VAPA: variants seen among roughly 807,000 people sequenced by gnomAD.
VAPA encodes VAMP associated protein A.
Under a neutral mutation model 25.6 loss-of-function variants are expected in VAPA, and 6 were observed. That is an observed-to-expected ratio of 0.23 (90% CI 0.13 to 0.46). The LOEUF (loss-of-function observed/expected upper bound fraction) is 0.46, where lower values mean the gene tolerates loss of function less well. Among genes scored for constraint, VAPA ranks in the 20% least tolerant of loss-of-function variants. The pLI is 0.99. For missense variants in VAPA, 244 were observed against 302.1 expected, an observed-to-expected ratio of 0.81 and a Z score of 1.43; for synonymous variants, 112 against 106.2, an observed-to-expected ratio of 1.05 and a Z score of -0.34.
At chr18:9,943,135 A>C (rs2069383622) in intron 4 of VAPA, among the ~76,000 whole-genome samples, 1 of 152,222 alleles carries the variant, frequency 6.6e-6, no homozygotes, top group South Asian at 2.1e-4. Flanking sequence ...GTCATCTTAT[A>C]GGGTGAAAAA....
rs1044194 is a variant in VAPA, at chr18:9,950,485, A to G, written c.508A>G (p.Thr170Ala). ...PKPHSVSLNDTETRKLMEECK... is the reference protein window; with the variant it reads ...PKPHSVSLNDAETRKLMEECK... The stretch of plus-strand genomic sequence containing the variant: ...ACCACACAGTGTTTCACTTAATGAT[A>G]CCGAAACAAGGAAACTAATGGAAGA... Residue 170 changes from threonine to alanine, a missense_variant, in exon 5 of 6, where the codon ACC (threonine) becomes GCC (alanine). Thr to Ala is a moderately conservative substitution (Grantham distance 58). Coordinates refer to ENST00000400000, the MANE Select transcript of VAPA (RefSeq NM_194434.3). The G allele has an allele frequency of 6.2e-7, 1 of 1,614,136 alleles. No homozygotes were observed. The highest frequency in any genetic ancestry group is 1.1e-5 in the South Asian group (1 of 91,070).
At chr18:9,920,458 A>G (rs1220859668) in intron 1 of VAPA, among the ~76,000 whole-genome samples, 1 of 152,138 alleles carries the variant, frequency 6.6e-6, no homozygotes, top group Non-Finnish European at 1.5e-5. Context: ...GTGCACCACC[A>G]TGCCTGGCTA....
chr18:9,917,276 T>C (rs1174087519), intron 1 of VAPA, among the ~76,000 whole-genome samples: 1 of 152,224 alleles, frequency 6.6e-6, no homozygotes, highest in African/African-American at 2.4e-5. Flanking sequence ...TATTACACAT[T>C]TTATTTTTCT....
At chr18:9,948,640 C>T (rs1378865582) in intron 4 of VAPA, 1 of 152,236 alleles carries the variant, frequency 6.6e-6, no homozygotes, top group East Asian at 1.9e-4. Flanking sequence ...ACGATCTCGT[C>T]TCATTGCAAC....
chr18:9,944,878 C>CA (rs2069404770), intron 4 of VAPA: 1 of 1,595,254 alleles, frequency 6.3e-7, no homozygotes, highest in African/African-American at 1.3e-5. Flanking sequence ...CAGAAGAAAT[C>CA]AGAGTTCGGT....
intron 4 of VAPA, among the ~76,000 whole-genome samples, chr18:9,940,329 G>T (rs1350176579): frequency 6.6e-6 from 1 of 150,598 alleles, no homozygotes; most frequent in Non-Finnish European, 1.5e-5. Flanking sequence ...AATGTGGCAA[G>T]ATTTTTCCAG....
At chr18:9,936,506 C>G (rs969704442) in intron 3 of VAPA, 2 of 224,606 alleles carry the variant, frequency 8.9e-6, no homozygotes, top group African/African-American at 4.6e-5. Context: ...CCCAGGAGTT[C>G]GAGACCAGCT....
chr18:9,942,622 C>T, intron 4 of VAPA, among the ~76,000 whole-genome samples: 1 of 152,108 alleles, frequency 6.6e-6, no homozygotes, highest in Non-Finnish European at 1.5e-5. Context: ...GCAGGCTGTA[C>T]AGGAAGCAGG....
intron 4 of VAPA, among the ~76,000 whole-genome samples, chr18:9,942,427 G>A (rs1179900695): frequency 6.6e-6 from 1 of 151,538 alleles, no homozygotes; most frequent in Middle Eastern, 3.4e-3. Flanking sequence ...TGAACTTTAT[G>A]ATTTTTTTTT....
chr18:9,914,477 C>T (rs978634713), intron 1 of VAPA, 142 bp downstream of exon 1: 12 of 664,692 alleles, frequency 1.8e-5, no homozygotes, highest in Non-Finnish European at 2.7e-5. Flanking sequence ...CCTTTCCCGG[C>T]TGCTTTCTTG....
intron 5 of VAPA, among the ~76,000 whole-genome samples, chr18:9,951,528 A>G (rs2069490232): frequency 6.6e-6 from 1 of 152,220 alleles, no homozygotes. Context: ...TGTGGTAGTC[A>G]TTCATGTATT....
chr18:9,932,077 T>G (rs2069261175), intron 2 of VAPA, 115 bp downstream of exon 2: 1 of 790,616 alleles, frequency 1.3e-6, no homozygotes, highest in South Asian at 2.1e-5. Context: ...ATTATTCTGG[T>G]TTTGCCTTTA....
intron 1 of VAPA, among the ~76,000 whole-genome samples, chr18:9,919,176 C>T (rs2069136666): frequency 6.6e-6 from 1 of 152,180 alleles, no homozygotes; most frequent in African/African-American, 2.4e-5. Context: ...AGCCATTGCA[C>T]TTGGCTTTAT....
At chr18:9,929,237 G>C (rs1406497916) in intron 1 of VAPA, among the ~76,000 whole-genome samples, 5 of 152,110 alleles carry the variant, frequency 3.3e-5, no homozygotes, top group Admixed American at 6.6e-5. Flanking sequence ...TCGGTGCAAT[G>C]GGAACATAGT....
At chr18:9,952,594 G>A in intron 5 of VAPA, among the ~76,000 whole-genome samples, 1 of 149,380 alleles carries the variant, frequency 6.7e-6, no homozygotes, top group East Asian at 2.0e-4. Flanking sequence ...AACCCTTGAA[G>A]ACCCACTGGC....
intron 1 of VAPA, among the ~76,000 whole-genome samples, chr18:9,917,759 G>A (rs1280428711): frequency 6.6e-6 from 1 of 152,100 alleles, no homozygotes; most frequent in East Asian, 1.9e-4. Context: ...ATCGAGGGAC[G>A]TATGGTGTTA....
chr18:9,955,440 C>T lies in VAPA; in HGVS notation c.*1229C>T, dbSNP rs887971273. The T allele has an allele frequency of 1.3e-5, 2 of 152,084 alleles. No homozygotes were observed. Among genetic ancestry groups the T allele is most frequent in the African/African-American group, 4.8e-5 (2 of 41,428 alleles). The allele number at this position is 152,084 out of a possible 1,614,324, so 9.4% of individuals were successfully genotyped here. A position where few individuals can be genotyped will look rare whatever the true frequency, so the allele number is the denominator to read the frequency against. ...GATACTTTCCTGCACTTAGGTTTGT[C>T]CTATTCTTCATTTATTCATACTAGG... On this transcript the variant is annotated 3_prime_UTR_variant, in exon 6 of 6. Transcript: ENST00000400000.
intron 4 of VAPA, among the ~76,000 whole-genome samples, chr18:9,940,588 G>T (rs192237438): frequency 2.0e-4 from 31 of 152,196 alleles, no homozygotes; most frequent in Admixed American, 1.9e-3. Flanking sequence ...TTGGGGTAAT[G>T]ATTGCATTTT....
intron 4 of VAPA, among the ~76,000 whole-genome samples, chr18:9,945,375 T>TTTTG (rs2069412090): frequency 7.1e-6 from 1 of 141,308 alleles, no homozygotes; most frequent in South Asian, 2.3e-4. Context: ...TTTTTTTTTT[T>TTTTG]TTTGAGATGG....
Sources: gnomAD v4.1 joint callset for allele counts (sites outside exome capture counted in the v4.1 genomes callset) on GRCh38, gnomAD v4.1.1 for gene constraint, MANE v1.5 for transcripts, NCBI Gene and HGNC (gene_info 2026-07-23, HGNC 2026-07-21) for gene names.